DCC: variants seen among roughly 807,000 people sequenced by gnomAD.
DCC encodes DCC netrin 1 receptor, also known as netrin receptor DCC.
DCC carries 58 observed loss-of-function variants against 172.5 expected under a neutral mutation model. The observed-to-expected ratio is 0.34, with a 90% CI of 0.27 to 0.42. DCC has a LOEUF of 0.42. DCC is among the 10% of genes least tolerant of loss of function. DCC has a pLI of 1.00. For synonymous variants in DCC, 709 were observed against 644.5 expected, an observed-to-expected ratio of 1.10 and a Z score of -1.52; for missense variants, 1,740 against 1,791.0, an observed-to-expected ratio of 0.97 and a Z score of 0.51.
At position 53,267,133 on chromosome 18, in the gene DCC, C is replaced by CAT. The variant is rs374515719; in HGVS notation, c.1912-38429_1912-38428dup. 2.5e-3 allele frequency among the ~76,000 whole-genome samples: 356 copies of CAT among 145,304 alleles called. 1 individual carries two copies. The highest frequency in any genetic ancestry group is 0.013 in the South Asian group (60 of 4,738). Reference sequence around the variant, plus strand: ...TCTCACACACACACACACACACACACATATATATATATATATAGAGAGAGA... The same window carrying CAT: ...TCTCACACACACACACACACACACACATATATATATATATATATAGAGAGAGA... On this transcript the variant is annotated intron_variant, in intron 12 of 28. Transcript: ENST00000442544.
intron 5 of DCC, among the ~76,000 whole-genome samples, chr18:53,059,294 G>A (rs2042460881): frequency 6.6e-6 from 1 of 152,074 alleles, no homozygotes; most frequent in Non-Finnish European, 1.5e-5. Flanking sequence ...CTGTATCAGT[G>A]TATATATTAT....
intron 2 of DCC, among the ~76,000 whole-genome samples, chr18:52,833,831 A>T (rs2145300894): frequency 6.6e-6 from 1 of 152,224 alleles, no homozygotes; most frequent in Non-Finnish European, 1.5e-5. Flanking sequence ...TAGCTAATTA[A>T]AAAAAATTTT....
intron 1 of DCC, among the ~76,000 whole-genome samples, chr18:52,557,772 GC>G (rs1319878135): frequency 6.6e-6 from 1 of 152,162 alleles, no homozygotes; most frequent in Non-Finnish European, 1.5e-5. Flanking sequence ...CCATTCTCAT[GC>G]CTCAGCCCCC....
At chr18:52,979,061 T>G (rs562987831) in intron 5 of DCC, among the ~76,000 whole-genome samples, 1 of 152,194 alleles carries the variant, frequency 6.6e-6, no homozygotes, top group South Asian at 2.1e-4. Context: ...GAAATGTGCT[T>G]TTTTAAAAAA....
At chr18:52,786,492 G>T (rs1251914937) in intron 2 of DCC, among the ~76,000 whole-genome samples, 2 of 151,992 alleles carry the variant, frequency 1.3e-5, no homozygotes, top group Non-Finnish European at 2.9e-5. Context: ...GGACCATGTT[G>T]TTTGTAGAAA....
chr18:52,444,475 A>G (rs372370876), intron 1 of DCC, among the ~76,000 whole-genome samples: 64 of 152,340 alleles, frequency 4.2e-4, no homozygotes, highest in African/African-American at 1.5e-3. Flanking sequence ...GACCAGTAGT[A>G]TTTCTCAGCT....
At chr18:52,397,560 T>C (rs1299801104) in intron 1 of DCC, among the ~76,000 whole-genome samples, 1 of 152,050 alleles carries the variant, frequency 6.6e-6, no homozygotes, top group Non-Finnish European at 1.5e-5. Context: ...GTTGGCCTTT[T>C]CTTTCATGTG....
chr18:53,366,403 T>G (rs951106914), intron 15 of DCC, among the ~76,000 whole-genome samples: 3 of 152,108 alleles, frequency 2.0e-5, no homozygotes, highest in Non-Finnish European at 4.4e-5. Flanking sequence ...AGCTAGTCAT[T>G]TTTTCATTCA....
Position 53,435,193 on chromosome 18 carries a change from T to C in DCC, c.3213T>C (p.Asp1071=), listed in dbSNP as rs753593212. The change falls in exon 22 of 29, where the codon GAT becomes GAC. Residue 1071 remains aspartate (D), a synonymous_variant. Coordinates refer to ENST00000442544, the MANE Select transcript of DCC (RefSeq NM_005215.4). ...GGCCAGTTGATACTAATTTGATTGATAGAAGCACCCTAAATGGTAAGTATA... is the reference window on the plus strand; with the variant it reads ...GGCCAGTTGATACTAATTTGATTGACAGAAGCACCCTAAATGGTAAGTATA... The part of the protein sequence containing the change: ...GYWPVDTNLI[D]RSTLNEPPIG... The C allele has an allele frequency of 4.1e-5, 66 of 1,601,572 alleles. No individual in the cohort carries two copies. Among genetic ancestry groups the C allele is most frequent in the Non-Finnish European group, 5.4e-5 (63 of 1,168,866 alleles).
intron 12 of DCC, among the ~76,000 whole-genome samples, chr18:53,290,874 A>T (rs141310973): frequency 7.9e-5 from 12 of 152,266 alleles, no homozygotes; most frequent in Admixed American, 2.6e-4. Context: ...TTATTAATTT[A>T]AAAAAATGTT....
intron 13 of DCC, among the ~76,000 whole-genome samples, chr18:53,312,275 G>A (rs9954990): frequency 0.53 from 72,983 of 138,872 alleles, 20,443 homozygotes; most frequent in East Asian, 0.71. Flanking sequence ...CGGGAGGTGG[G>A]GCTTGCAGTG....
intron 5 of DCC, among the ~76,000 whole-genome samples, chr18:53,034,946 G>A (rs1048594415): frequency 6.6e-6 from 1 of 152,072 alleles, no homozygotes; most frequent in African/African-American, 2.4e-5. Context: ...CACTACCCTA[G>A]CTAGTCCTTC....
intron 25 of DCC, among the ~76,000 whole-genome samples, chr18:53,468,380 T>TTTATTTTATTTATTTA (rs1555675979): frequency 7.4e-6 from 1 of 135,152 alleles, no homozygotes; most frequent in Non-Finnish European, 1.5e-5. Context: ...TATTTATTTA[T>TTTATTTTATTTATTTA]TTTATTTATT....
At chr18:53,431,474 G>T (rs8086368) in intron 21 of DCC, among the ~76,000 whole-genome samples, 73,710 of 117,414 alleles carry the variant, frequency 0.63, 19,052 homozygotes, top group African/African-American at 0.72. Flanking sequence ...TTTGTTTTTT[G>T]TTGTTGTTGT....
rs1330245063 is a variant in DCC, at chr18:53,532,978, C to T, written c.*2325C>T. ...TGCTGCATGCTTTTGAAACTTTCTT[C>T]ATTAAATAGAATGGTTTGTCTTAGT... is the stretch of plus-strand genomic sequence containing the variant. On this transcript the variant is annotated 3_prime_UTR_variant, in exon 29 of 29. Transcript: ENST00000442544. 1 of 152,134 alleles carries T rather than the reference C, an allele frequency of 6.6e-6. No homozygotes were observed. The highest frequency in any genetic ancestry group is 2.4e-5 in the African/African-American group (1 of 41,420). 9.4% of individuals were successfully genotyped at this position (152,134 alleles called of 1,614,324 possible).
At chr18:53,240,722 G>A (rs2056279802) in intron 12 of DCC, among the ~76,000 whole-genome samples, 1 of 152,106 alleles carries the variant, frequency 6.6e-6, no homozygotes, top group Non-Finnish European at 1.5e-5. Context: ...TAAATGCACA[G>A]CACCTAGAAG....
intron 1 of DCC, among the ~76,000 whole-genome samples, chr18:52,700,035 T>C (rs2145031933): frequency 7.2e-6 from 1 of 139,310 alleles, no homozygotes; most frequent in Middle Eastern, 3.7e-3. Flanking sequence ...TTCCTTTCAG[T>C]GATCTGTTTA....
At chr18:52,366,368 C>T (rs560316767) in intron 1 of DCC, among the ~76,000 whole-genome samples, 329 of 152,254 alleles carry the variant, frequency 2.2e-3, no homozygotes, top group African/African-American at 7.5e-3. Context: ...GGGACCCGAG[C>T]GGGTTGCCAA....
At chr18:52,914,202 T>TAA (rs34965181) in intron 3 of DCC, among the ~76,000 whole-genome samples, 2,833 of 150,226 alleles carry the variant, frequency 0.019, 35 homozygotes, top group Middle Eastern at 0.027. Flanking sequence ...GCTGCAAAAT[T>TAA]AAAAAAAAAA....
Sources: allele counts gnomAD v4.1 joint callset (sites outside exome capture counted in the v4.1 genomes callset), GRCh38; gene constraint gnomAD v4.1.1; transcripts MANE v1.5; gene names NCBI Gene and HGNC (gene_info 2026-07-23, HGNC 2026-07-21).